The following WDPCP variants were observed in gnomAD, a reference collection of about 807,000 sequenced individuals.
WDPCP encodes the protein WD repeat containing planar cell polarity effector, also known as WD repeat-containing and planar cell polarity effector protein fritz homolog.
Under a neutral mutation model 93.1 loss-of-function variants are expected in WDPCP, and 71 were observed. The ratio of observed to expected loss-of-function variants is 0.76; its 90% CI spans 0.63 to 0.93. The LOEUF (loss-of-function observed/expected upper bound fraction) is 0.93, where lower values mean the gene tolerates loss of function less well. Ranked by LOEUF, WDPCP falls within the 40% of genes least tolerant of loss-of-function variation. The pLI is 0.00. For synonymous variants in WDPCP, 315 were observed against 315.0 expected (o/e 1.00, Z 0.00); for missense variants, 844 against 887.4 (o/e 0.95, Z 0.62).
At chr2:63,376,528 G>C (rs948593864) in intron 12 of WDPCP, among the ~76,000 whole-genome samples, 5 of 151,886 alleles carry the variant, frequency 3.3e-5, no homozygotes, top group Non-Finnish European at 4.4e-5. Flanking sequence ...AGAGGCCAGA[G>C]ACAATGAGGA....
At chr2:63,310,932 A>G (rs1018738338) in intron 13 of WDPCP, among the ~76,000 whole-genome samples, 1 of 152,198 alleles carries the variant, frequency 6.6e-6, no homozygotes, top group African/African-American at 2.4e-5. Context: ...TTTAGAGGAA[A>G]AGTTTCCTAG....
intron 12 of WDPCP, among the ~76,000 whole-genome samples, chr2:63,326,957 A>C (rs1005365849): frequency 3.3e-5 from 5 of 152,316 alleles, no homozygotes; most frequent in Non-Finnish European, 7.4e-5. Flanking sequence ...AGTGTGAACA[A>C]GGGTGTAGCC....
chr2:63,676,792 TACACAC>T (rs57392701), intron 2 of WDPCP, among the ~76,000 whole-genome samples: 2,150 of 147,000 alleles, frequency 0.015, 49 homozygotes, highest in African/African-American at 0.05. Context: ...GAACTACACA[TACACAC>T]ACACACACAC....
chr2:63,323,725 C>T lies in WDPCP; in HGVS notation c.1749-10414G>A, dbSNP rs191117639. ...AAGGGCCACTAAATCCGATTTTTCTCGGTCCTCTTTGTGGTCTAGGAGGAC... is the reference window on the plus strand; with the variant it reads ...AAGGGCCACTAAATCCGATTTTTCTTGGTCCTCTTTGTGGTCTAGGAGGAC... On this transcript the variant is annotated intron_variant, in intron 12 of 17. Transcript: ENST00000272321. Among the ~76,000 whole-genome samples the T allele has an allele frequency of 4.3e-4, 65 of 152,220 alleles. No individual in the cohort carries two copies. In the East Asian group the frequency reaches 9.9e-3, roughly 23 times the overall value.
At chr2:63,637,963 T>A (rs560367358) in intron 3 of WDPCP, among the ~76,000 whole-genome samples, 1 of 151,622 alleles carries the variant, frequency 6.6e-6, no homozygotes, top group Non-Finnish European at 1.5e-5. Flanking sequence ...GAAATCAGTA[T>A]CTTAAAGAGA....
chr2:63,337,528 A>G (rs1407689344), intron 12 of WDPCP, among the ~76,000 whole-genome samples: 1 of 152,214 alleles, frequency 6.6e-6, no homozygotes, highest in East Asian at 1.9e-4. Flanking sequence ...AAGCAGTAGT[A>G]AAATGGCTGA....
chr2:63,717,676 T>C (rs1411706201), intron 2 of WDPCP: 9 of 499,692 alleles, frequency 1.8e-5, no homozygotes, highest in Admixed American at 1.4e-4. Context: ...AAAATCCTCT[T>C]AGAGCAGGGC....
At chr2:63,460,717 C>G (rs1275501805) in intron 6 of WDPCP, among the ~76,000 whole-genome samples, 1 of 152,056 alleles carries the variant, frequency 6.6e-6, no homozygotes, top group Non-Finnish European at 1.5e-5. Flanking sequence ...AGCTCCGCCT[C>G]CCAGGTTCAC....
chr2:63,266,625 G>A (rs2104823530), intron 13 of WDPCP, among the ~76,000 whole-genome samples: 1 of 152,262 alleles, frequency 6.6e-6, no homozygotes, highest in East Asian at 1.9e-4. Context: ...GGCCAAGATG[G>A]TGAAACCCCA....
At chr2:63,535,235 T>C (rs1276605821) in intron 1 of WDPCP, among the ~76,000 whole-genome samples, 2 of 152,188 alleles carry the variant, frequency 1.3e-5, no homozygotes, top group African/African-American at 4.8e-5. Flanking sequence ...TGGAAAAACA[T>C]TCCATGCTCA....
chr2:63,247,674 G>GA (rs77431217), intron 14 of WDPCP, among the ~76,000 whole-genome samples: 26,579 of 115,846 alleles, frequency 0.23, 2,648 homozygotes, highest in Non-Finnish European at 0.24. Flanking sequence ...TTCCAAAATT[G>GA]AAAAAAAAAA....
At chr2:63,324,638 C>A (rs562048247) in intron 12 of WDPCP, among the ~76,000 whole-genome samples, 2 of 152,332 alleles carry the variant, frequency 1.3e-5, no homozygotes, top group African/African-American at 4.8e-5. Context: ...GAAAAGAATG[C>A]AGCTTTAGCT....
chr2:63,707,225 C>A (rs1407310989), intron 2 of WDPCP, among the ~76,000 whole-genome samples: 2 of 152,166 alleles, frequency 1.3e-5, no homozygotes, highest in Non-Finnish European at 2.9e-5. Flanking sequence ...AGAGTGTTTT[C>A]CAACTTGGTT....
chr2:63,253,924 T>C (rs12466368), intron 14 of WDPCP, among the ~76,000 whole-genome samples: 79,277 of 152,012 alleles, frequency 0.52, 24,283 homozygotes, highest in Non-Finnish European at 0.68. Flanking sequence ...AAAAGACACA[T>C]GCACTTGTAT....
chr2:63,260,455 GATAA>G (rs1681528773), intron 13 of WDPCP, among the ~76,000 whole-genome samples: 1 of 152,178 alleles, frequency 6.6e-6, no homozygotes, highest in Admixed American at 6.5e-5. Context: ...TTTCAAATTG[GATAA>G]ATCTTTAAAA....
rs530418863 is a variant in WDPCP, at chr2:63,240,210, G to A, written c.1915+19097C>T. Reference sequence around the variant, plus strand: ...TTTTGTTTTTTATAGACAGGGTCTCGCTCTGTTGCCCAGGCTGGAGTGCAG... The same window carrying A: ...TTTTGTTTTTTATAGACAGGGTCTCACTCTGTTGCCCAGGCTGGAGTGCAG... On this transcript the variant is annotated intron_variant, in intron 14 of 17. Coordinates refer to ENST00000272321, the MANE Select transcript of WDPCP (RefSeq NM_015910.7). 7.2e-5 allele frequency among the ~76,000 whole-genome samples: 11 copies of A among 151,914 alleles called. No homozygotes were observed. The South Asian group carries it at 8.3e-4, about 11-fold the overall frequency.
chr2:63,772,431 G>A, intron 2 of WDPCP, among the ~76,000 whole-genome samples: 1 of 152,050 alleles, frequency 6.6e-6, no homozygotes, highest in South Asian at 2.1e-4. Context: ...ATGTCTAATA[G>A]ACAACTTGTT....
intron 17 of WDPCP, among the ~76,000 whole-genome samples, chr2:63,128,148 TAATA>T (rs1277612642): frequency 6.6e-6 from 1 of 151,956 alleles, no homozygotes; most frequent in Non-Finnish European, 1.5e-5. Context: ...CAAAAAAAAT[TAATA>T]AATAAATATA....
chr2:63,714,229 A>G (rs892896741), intron 2 of WDPCP, among the ~76,000 whole-genome samples: 4 of 151,326 alleles, frequency 2.6e-5, no homozygotes, highest in African/African-American at 9.7e-5. Flanking sequence ...CTAGTTTTTA[A>G]AAATATTTTT....
Sources: allele counts gnomAD v4.1 joint callset (sites outside exome capture counted in the v4.1 genomes callset), GRCh38; gene constraint gnomAD v4.1.1; transcripts MANE v1.5; gene names NCBI Gene and HGNC (gene_info 2026-07-23, HGNC 2026-07-21).